Variants in GAS2 observed in about 807,000 individuals in gnomAD.
GAS2 encodes the protein growth arrest-specific protein 2.
In GAS2, 20 loss-of-function variants were observed where a neutral mutation model predicts 37.5. That is an observed-to-expected ratio of 0.53 (90% CI 0.37 to 0.77). The LOEUF (loss-of-function observed/expected upper bound fraction) is 0.77, where lower values mean the gene tolerates loss of function less well. Among genes scored for constraint, GAS2 ranks in the 30% least tolerant of loss-of-function variants. GAS2 has a pLI of 0.00. For missense variants in GAS2, 336 were observed against 373.4 expected (o/e 0.90, Z 0.82); for synonymous variants, 144 against 132.2 (o/e 1.09, Z -0.61).
intron 7 of GAS2, among the ~76,000 whole-genome samples, chr11:22,761,157 G>A (rs554685868): frequency 6.6e-6 from 1 of 152,224 alleles, no homozygotes; most frequent in South Asian, 2.1e-4. Flanking sequence ...AATATGCCTT[G>A]TCTTTCCTTA....
chr11:22,667,350 T>C (rs1196596627), intron 1 of GAS2, among the ~76,000 whole-genome samples: 5 of 152,126 alleles, frequency 3.3e-5, no homozygotes, highest in African/African-American at 9.7e-5. Context: ...AGAGCCAGAA[T>C]GGTCTTAAAG....
rs1554965874 is a variant in GAS2 at position 22,652,993 on chromosome 11, G to GTCTGTCTTTCTTTCTTTCTTTCTTTCTT, written c.-20-21854_-20-21853insGTCTTTCTTTCTTTCTTTCTTTCTTTCT. ...TTTCTTTCTTTGTCTTTCTTTCTTT[G>GTCTGTCTTTCTTTCTTTCTTTCTTTCTT]TCTTTCTTTCTTTCTTTCTTTCTTT... On this transcript the variant is annotated intron_variant, in intron 1 of 5. Transcript: ENST00000528582. 3.4e-4 allele frequency among the ~76,000 whole-genome samples: 33 copies of GTCTGTCTTTCTTTCTTTCTTTCTTTCTT among 97,108 alleles called. No individual in the cohort carries two copies. In the East Asian group the frequency reaches 3.6e-3, roughly 11 times the overall value. 63.7% of individuals were successfully genotyped at this position (97,108 alleles called of 152,430 possible). A position where few individuals can be genotyped will look rare whatever the true frequency, so the allele number is the denominator to read the frequency against.
chr11:22,743,531 A>T (rs144776822), intron 5 of GAS2, among the ~76,000 whole-genome samples: 11 of 152,196 alleles, frequency 7.2e-5, no homozygotes, highest in African/African-American at 2.6e-4. Context: ...TTCAGAAATA[A>T]TATATGTCAA....
chr11:22,789,712 G>T (rs1046569610), intron 7 of GAS2, among the ~76,000 whole-genome samples: 1 of 151,392 alleles, frequency 6.6e-6, no homozygotes, highest in African/African-American at 2.4e-5. Flanking sequence ...TGATCCGCCC[G>T]CCTTGGCCTC....
chr11:22,812,323 A>G lies in GAS2; in HGVS notation c.*307A>G. 1 of 227,044 alleles carries G rather than the reference A, an allele frequency of 4.4e-6. No homozygotes were observed. Among genetic ancestry groups the G allele is most frequent in the Non-Finnish European group, 8.6e-6 (1 of 116,158 alleles). The allele number at this position is 227,044 out of a possible 1,614,324, so 14.1% of individuals were successfully genotyped here. ...AACACAATTCTAACTAAAGATAAATAAGGAGAAAACATTTAGGATTTGCAG... is the reference window on the plus strand; with the variant it reads ...AACACAATTCTAACTAAAGATAAATGAGGAGAAAACATTTAGGATTTGCAG... On this transcript the variant is annotated 3_prime_UTR_variant, in exon 8 of 8. Coordinates refer to ENST00000454584, the MANE Select transcript of GAS2 (RefSeq NM_001143830.3).
chr11:22,675,098 T>C, intron 2 of GAS2, 84 bp downstream of exon 2: 2 of 1,317,998 alleles, frequency 1.5e-6, no homozygotes, highest in Non-Finnish European at 2.1e-6. Context: ...CACCTAAGCA[T>C]GTGATAGCAC....
chr11:22,792,522 T>G lies in GAS2; in HGVS notation c.724-19276T>G, dbSNP rs142273293. Among the ~76,000 whole-genome samples, 946 of 152,320 alleles carry G rather than the reference T, an allele frequency of 6.2e-3. 3 individuals are homozygous for G. The highest frequency in any genetic ancestry group is 0.027 in the Middle Eastern group (8 of 294). ...TGAAAGGAATAAAGTTACTAGAATT[T>G]CTAGAGGCAAAAGTAAATTTAAGAG... On this transcript the variant is annotated intron_variant, in intron 7 of 7. Coordinates refer to ENST00000454584, the MANE Select transcript of GAS2 (RefSeq NM_001143830.3).
intron 7 of GAS2, among the ~76,000 whole-genome samples, chr11:22,778,899 A>G (rs1326069590): frequency 2.0e-5 from 3 of 152,120 alleles, no homozygotes; most frequent in East Asian, 1.9e-4. Flanking sequence ...GAAGGGGGAT[A>G]TATTTATTTA....
At chr11:22,691,082 G>C (rs1382856714) in intron 3 of GAS2, among the ~76,000 whole-genome samples, 1 of 152,048 alleles carries the variant, frequency 6.6e-6, no homozygotes, top group African/African-American at 2.4e-5. Context: ...AAGAGCCCTG[G>C]GTGGTTAGAT....
intron 7 of GAS2, among the ~76,000 whole-genome samples, chr11:22,769,852 A>T (rs764336202): frequency 6.6e-6 from 1 of 152,224 alleles, no homozygotes; most frequent in Non-Finnish European, 1.5e-5. Flanking sequence ...GGTAGAGTAG[A>T]AAAGAGTGTC....
chr11:22,753,931 A>C (rs1342135749), intron 6 of GAS2, among the ~76,000 whole-genome samples: 1 of 152,102 alleles, frequency 6.6e-6, no homozygotes, highest in Non-Finnish European at 1.5e-5. Context: ...CATTATTGGA[A>C]GGAAATGATG....
intron 1 of GAS2, among the ~76,000 whole-genome samples, chr11:22,641,342 A>G (rs914614179): frequency 6.8e-6 from 1 of 146,418 alleles, no homozygotes; most frequent in African/African-American, 2.5e-5. Context: ...ATATTTATAT[A>G]TGTCTTTATA....
At chr11:22,738,360 A>C (rs1164053294) in intron 5 of GAS2, among the ~76,000 whole-genome samples, 1 of 152,220 alleles carries the variant, frequency 6.6e-6, no homozygotes, top group Non-Finnish European at 1.5e-5. Context: ...TTCAGAAATC[A>C]TAGCTAAATA....
At chr11:22,792,685 G>A (rs4922625) in intron 7 of GAS2, among the ~76,000 whole-genome samples, 95,404 of 152,024 alleles carry the variant, frequency 0.63, 30,523 homozygotes, top group Middle Eastern at 0.72. Flanking sequence ...TCCTCCCTAC[G>A]GAGACCTCTG....
At chr11:22,807,541 A>G (rs1020269770) in intron 7 of GAS2, among the ~76,000 whole-genome samples, 1 of 152,174 alleles carries the variant, frequency 6.6e-6, no homozygotes, top group South Asian at 2.1e-4. Flanking sequence ...CTTTGGAGAA[A>G]AACACCTCTC....
In GAS2 at chr11:22,666,672, G is replaced by C. The variant is rs1018351785; in HGVS notation, c.-248G>C. On this transcript the variant is annotated 5_prime_UTR_variant, in exon 1 of 8. Coordinates refer to ENST00000454584, the MANE Select transcript of GAS2 (RefSeq NM_001143830.3). ...AAATGTAGGAAATCTGTTTCTGGCA[G>C]GGAGAAAAAATCGTTTTCCCAAACA... The C allele has an allele frequency of 6.6e-6, 1 of 152,342 alleles. No homozygotes were observed. Among genetic ancestry groups the C allele is most frequent in the Non-Finnish European group, 1.5e-5 (1 of 68,112 alleles). 9.4% of individuals were successfully genotyped at this position (152,342 alleles called of 1,614,324 possible).
intron 4 of GAS2, among the ~76,000 whole-genome samples, chr11:22,736,111 T>C (rs1024691664): frequency 6.6e-6 from 1 of 152,028 alleles, no homozygotes; most frequent in African/African-American, 2.4e-5. Context: ...GTTCTCTGTA[T>C]GAAATTGATG....
intron 7 of GAS2, among the ~76,000 whole-genome samples, chr11:22,789,425 GATAT>G (rs35755438): frequency 0.018 from 543 of 30,586 alleles, 11 homozygotes; most frequent in African/African-American, 0.046. Context: ...TCTCATATGA[GATAT>G]ATATATATAT....
chr11:22,699,886 T>C (rs1850743058), intron 3 of GAS2, among the ~76,000 whole-genome samples: 1 of 152,144 alleles, frequency 6.6e-6, no homozygotes, highest in Non-Finnish European at 1.5e-5. Context: ...CAGCCAACTT[T>C]CTGACTAGAT....
Sources: allele counts gnomAD v4.1 joint callset (sites outside exome capture counted in the v4.1 genomes callset), GRCh38; gene constraint gnomAD v4.1.1; transcripts MANE v1.5; gene names NCBI Gene and HGNC (gene_info 2026-07-23, HGNC 2026-07-21).